The following OTOF variants were observed in gnomAD, a reference collection of about 807,000 sequenced individuals.
The protein encoded by OTOF is fer-1-like family member 2.
Under a neutral mutation model 236.8 loss-of-function variants are expected in OTOF, and 218 were observed. The observed-to-expected ratio is 0.92, with a 90% CI of 0.82 to 1.03. The LOEUF is 1.03. Among genes scored for constraint, OTOF ranks in the 50% least tolerant of loss-of-function variants. OTOF has a pLI of 0.00. For missense variants in OTOF, 2,590 were observed against 2,694.4 expected (o/e 0.96, Z 0.86); for synonymous variants, 1,041 against 1,072.5 (o/e 0.97, Z 0.57).
rs375542050 is a variant in OTOF, at chr2:26,489,750, G to C, written c.898-10C>G. ...AGTCGAAGACGAAGTACTGGAGGGG[G>C]AAGGATCCAGGCCTGCTGTCACTGA... On this transcript the variant is annotated splice_polypyrimidine_tract_variant and intron_variant, in intron 9 of 46. Transcript: ENST00000272371. The C allele has an allele frequency of 1.2e-6, 2 of 1,609,478 alleles. No individual in the cohort carries two copies. The highest frequency in any genetic ancestry group is 2.7e-5 in the African/African-American group (2 of 74,874).
intron 1 of OTOF, among the ~76,000 whole-genome samples, chr2:26,552,881 A>G (rs1349625782): frequency 2.6e-5 from 4 of 152,236 alleles, no homozygotes; most frequent in Admixed American, 6.5e-5. Flanking sequence ...AGCAGGGACA[A>G]TGCCAACCTC....
chr2:26,460,606 A>T lies in OTOF; in HGVS notation c.5813+41T>A. 2 of 1,506,932 alleles carry T rather than the reference A, an allele frequency of 1.3e-6. No homozygotes were observed. Among genetic ancestry groups the T allele is most frequent in the Non-Finnish European group, 1.8e-6 (2 of 1,083,672 alleles). The allele number at this position is 1,506,932 out of a possible 1,614,324, so 93.3% of individuals were successfully genotyped here. The stretch of plus-strand genomic sequence containing the variant: ...TCTCCTTCCTGTTCCAGCGCCTCCA[A>T]GAGCCAGAGTGGGGAGGGGCTGGGC... On this transcript the variant is annotated intron_variant, in intron 45 of 46. Transcript: ENST00000272371. The surrounding 1 kb of genome is among the most constrained non-coding windows in gnomAD (Gnocchi z 5.3).
At chr2:26,481,382 G>T (rs1056946008) in intron 14 of OTOF, among the ~76,000 whole-genome samples, 1 of 152,152 alleles carries the variant, frequency 6.6e-6, no homozygotes, top group East Asian at 1.9e-4. Flanking sequence ...GACCCTGCCA[G>T]TGCAGACCCC....
chr2:26,542,840 G>T (rs1293098241), intron 1 of OTOF, among the ~76,000 whole-genome samples: 1 of 152,166 alleles, frequency 6.6e-6, no homozygotes, highest in Admixed American at 6.5e-5. Flanking sequence ...AGGGGAAGGA[G>T]AAGGTCCTGG....
intron 2 of OTOF, among the ~76,000 whole-genome samples, chr2:26,531,620 T>G (rs576581292): frequency 6.6e-6 from 1 of 152,328 alleles, no homozygotes; most frequent in Non-Finnish European, 1.5e-5. Context: ...CACGTGTCTC[T>G]TTCACTGCAT....
chr2:26,475,012 C>CGGA (rs942540284), intron 25 of OTOF, among the ~76,000 whole-genome samples: 5 of 151,998 alleles, frequency 3.3e-5, no homozygotes, highest in Admixed American at 3.3e-4. Flanking sequence ...AGAACCTCCA[C>CGGA]GGAGGATGGC....
At chr2:26,526,634 A>G (rs1666812022) in intron 3 of OTOF, among the ~76,000 whole-genome samples, 1 of 152,228 alleles carries the variant, frequency 6.6e-6, no homozygotes, top group Non-Finnish European at 1.5e-5. Context: ...TGGTGCCTAC[A>G]GGAATTCTCT....
chr2:26,545,724 G>A (rs554611633), intron 1 of OTOF, among the ~76,000 whole-genome samples: 3 of 152,144 alleles, frequency 2.0e-5, no homozygotes, highest in South Asian at 2.1e-4. Flanking sequence ...TTTTGTGGAT[G>A]GTATGAGGTA....
rs912778888 is a variant in OTOF, at chr2:26,466,084, G to T, written c.4501-8C>A. 4.3e-6 allele frequency: 7 copies of T among 1,614,158 alleles called. No individual in the cohort carries two copies. Among genetic ancestry groups the T allele is most frequent in the Non-Finnish European group, 5.1e-6 (6 of 1,180,020 alleles). ...AGGGTGCAGGTCCGTGGCCTGGAAT[G>T]GGGAGAAGGGCTGCCTGAGCAGGCT... On this transcript the variant is annotated splice_polypyrimidine_tract_variant and splice_region_variant and intron_variant, in intron 36 of 46. Coordinates refer to ENST00000272371, the MANE Select transcript of OTOF (RefSeq NM_194248.3).
chr2:26,548,548 A>G (rs1051721884), intron 1 of OTOF, among the ~76,000 whole-genome samples: 25 of 152,190 alleles, frequency 1.6e-4, no homozygotes, highest in African/African-American at 3.9e-4. Flanking sequence ...GCCTGTTCTG[A>G]GCATTTCGTA....
intron 1 of OTOF, among the ~76,000 whole-genome samples, chr2:26,544,341 C>G (rs962996156): frequency 6.6e-6 from 1 of 152,272 alleles, no homozygotes; most frequent in Non-Finnish European, 1.5e-5. Context: ...CCTTTCCAGT[C>G]GATTTCTAGT....
intron 8 of OTOF, among the ~76,000 whole-genome samples, chr2:26,500,632 G>A (rs1158902085): frequency 6.6e-6 from 1 of 152,230 alleles, no homozygotes; most frequent in Non-Finnish European, 1.5e-5. Flanking sequence ...GTTTGACATT[G>A]CCTGGGGCTG....
intron 1 of OTOF, among the ~76,000 whole-genome samples, chr2:26,554,666 A>G (rs938315783): frequency 6.6e-6 from 1 of 151,310 alleles, no homozygotes; most frequent in Non-Finnish European, 1.5e-5. Context: ...CATTCCAGGC[A>G]GAAGAAATAT....
intron 36 of OTOF, 22 bp downstream of exon 36, chr2:26,466,692 G>A (rs377393093): frequency 1.2e-6 from 2 of 1,613,936 alleles, no homozygotes; most frequent in Non-Finnish European, 8.5e-7. Flanking sequence ...CTTGCAAGGA[G>A]GGAAAGCGAC....
intron 11 of OTOF, 120 bp from the exon 12 acceptor site, chr2:26,484,753 C>CT: frequency 1.0e-6 from 1 of 968,716 alleles, no homozygotes; most frequent in Non-Finnish European, 1.6e-6. Flanking sequence ...AGTCCCGGGA[C>CT]CTGGGGCCAC....
intron 2 of OTOF, among the ~76,000 whole-genome samples, chr2:26,536,191 T>C (rs1213027136): frequency 6.6e-6 from 1 of 152,118 alleles, no homozygotes; most frequent in Admixed American, 6.5e-5. Context: ...CTATGACAGC[T>C]GTCTCAGTGG....
chr2:26,537,688 A>G, intron 2 of OTOF, 28 bp downstream of exon 2: 1 of 1,532,376 alleles, frequency 6.5e-7, no homozygotes, highest in Non-Finnish European at 8.9e-7. Flanking sequence ...CTCAGGGCTG[A>G]GGGAGGGGGG....
chr2:26,473,218 G>A lies in OTOF; in HGVS notation c.3647C>T (p.Thr1216Ile). 6.2e-7 allele frequency: 1 copy of A among 1,613,326 alleles called. No homozygotes were observed. The highest frequency in any genetic ancestry group is 1.1e-5 in the South Asian group (1 of 91,084). The change falls in exon 29 of 47, where the codon ACA becomes ATA. Residue 1216 changes from threonine (T) to isoleucine (I), a missense_variant. Coordinates refer to ENST00000272371, the MANE Select transcript of OTOF (RefSeq NM_194248.3). This position sits in a 1 kb window ranked among gnomAD's most constrained non-coding sequence, Gnocchi z 7.2. ...VVDCRAFGRY[T>I]LVGSHAVSSL... The stretch of plus-strand genomic sequence containing the variant: ...GCTGACGGCATGGGAGCCCACCAGT[G>A]TGTAGCGACCGAAGGCCCGGCAGTC...
In OTOF at chr2:26,519,114, G is replaced by A; in HGVS notation, c.228-5C>T. The A allele has an allele frequency of 6.3e-7, 1 of 1,576,844 alleles. No individual in the cohort carries two copies. The highest frequency in any genetic ancestry group is 8.7e-7 in the Non-Finnish European group (1 of 1,151,786). On this transcript the variant is annotated splice_region_variant and splice_polypyrimidine_tract_variant and intron_variant, in intron 3 of 46. Transcript: ENST00000272371. Reference sequence around the variant, plus strand: ...ATGCGGAAGGTCCCGATGAGCCTGGGGATGGCAGAGGGGGCACGGTGGTAA... The same window carrying A: ...ATGCGGAAGGTCCCGATGAGCCTGGAGATGGCAGAGGGGGCACGGTGGTAA...
Sources: gnomAD v4.1 joint callset for allele counts (sites outside exome capture counted in the v4.1 genomes callset) on GRCh38, gnomAD v4.1.1 for gene constraint, Gnocchi (gnomAD v3.1) non-coding constraint, MANE v1.5 for transcripts, NCBI Gene and HGNC (gene_info 2026-07-23, HGNC 2026-07-21) for gene names.